USH2A: variants seen among roughly 807,000 people sequenced by gnomAD.
The protein encoded by USH2A is usherin.
Under a neutral mutation model 538.9 loss-of-function variants are expected in USH2A, and 443 were observed. The ratio of observed to expected loss-of-function variants is 0.82; its 90% CI spans 0.76 to 0.89. The LOEUF is 0.89. USH2A is among the 40% of genes least tolerant of loss of function. The probability of loss-of-function intolerance (pLI) is 0.00; values close to 1 mark genes in which losing one functional copy is unlikely to be tolerated. For missense variants in USH2A, 6,633 were observed against 6,324.8 expected, an observed-to-expected ratio of 1.05 and a Z score of -1.65; for synonymous variants, 2,413 against 2,273.5, an observed-to-expected ratio of 1.06 and a Z score of -1.75.
At chr1:216,359,546 C>A (rs993564795) in intron 4 of USH2A, among the ~76,000 whole-genome samples, 1 of 151,978 alleles carries the variant, frequency 6.6e-6, no homozygotes, top group Non-Finnish European at 1.5e-5. Flanking sequence ...AAAATATATA[C>A]CTTCTTTTTT....
At chr1:215,829,472 A>T (rs1663251267) in intron 47 of USH2A, among the ~76,000 whole-genome samples, 1 of 152,220 alleles carries the variant, frequency 6.6e-6, no homozygotes, top group Non-Finnish European at 1.5e-5. Flanking sequence ...CAAAGAATCT[A>T]AGAAATGTAT....
intron 21 of USH2A, among the ~76,000 whole-genome samples, chr1:216,126,139 A>T (rs967066754): frequency 1.3e-5 from 2 of 152,158 alleles, no homozygotes; most frequent in Non-Finnish European, 2.9e-5. Flanking sequence ...CTCACATGGA[A>T]GAGAGTGCCT....
chr1:215,773,000 G>A (rs1379678426), intron 55 of USH2A, among the ~76,000 whole-genome samples: 1 of 152,170 alleles, frequency 6.6e-6, no homozygotes, highest in Non-Finnish European at 1.5e-5. Context: ...CTGGCCCCTC[G>A]GCTGCTCACA....
In USH2A at chr1:215,988,247, T is replaced by C. The variant is rs534746372; in HGVS notation, c.6805+4773A>G. On this transcript the variant is annotated intron_variant, in intron 35 of 71. Transcript: ENST00000307340. ...TAATTTCTGTTTCTGTGCATTCAAC[T>C]ACTATAGATAAACTCACGTAAGTGC... Among the ~76,000 whole-genome samples the C allele has an allele frequency of 2.0e-5, 3 of 152,266 alleles. No homozygotes were observed. In the East Asian group the frequency reaches 5.8e-4, roughly 29 times the overall value.
intron 30 of USH2A, among the ~76,000 whole-genome samples, chr1:216,053,323 A>T (rs1212840951): frequency 6.6e-6 from 1 of 152,164 alleles, no homozygotes; most frequent in East Asian, 1.9e-4. Context: ...AAAATAGAAA[A>T]TGCGGTAGTT....
chr1:215,897,737 G>GAA (rs1558150515), intron 40 of USH2A, among the ~76,000 whole-genome samples: 15 of 102,022 alleles, frequency 1.5e-4, no homozygotes, highest in Non-Finnish European at 2.4e-4. Flanking sequence ...GAAAGAAAGA[G>GAA]AGAGAAAGAG....
intron 37 of USH2A, among the ~76,000 whole-genome samples, chr1:215,936,831 C>T (rs1286740165): frequency 6.6e-6 from 1 of 151,936 alleles, no homozygotes; most frequent in Non-Finnish European, 1.5e-5. Flanking sequence ...TGTCATTGTC[C>T]CATCAGATTA....
intron 32 of USH2A, among the ~76,000 whole-genome samples, chr1:216,024,841 T>G (rs1237765454): frequency 6.6e-6 from 1 of 152,006 alleles, no homozygotes; most frequent in Admixed American, 6.6e-5. Flanking sequence ...ATGTTTTATC[T>G]GACATAGGTT....
intron 44 of USH2A, among the ~76,000 whole-genome samples, chr1:215,856,723 T>C (rs1178004563): frequency 6.6e-6 from 1 of 152,082 alleles, no homozygotes; most frequent in African/African-American, 2.4e-5. Context: ...AAGAAGTCAT[T>C]ATATGAAAAG....
At chr1:215,955,098 T>C (rs1320493366) in intron 37 of USH2A, among the ~76,000 whole-genome samples, 1 of 152,192 alleles carries the variant, frequency 6.6e-6, no homozygotes, top group African/African-American at 2.4e-5. Context: ...ATACTTTTAC[T>C]TTAATAATTA....
intron 58 of USH2A, among the ~76,000 whole-genome samples, chr1:215,758,173 C>A (rs1306013532): frequency 6.6e-6 from 1 of 151,882 alleles, no homozygotes; most frequent in Admixed American, 6.6e-5. Flanking sequence ...GTAATCCCAG[C>A]TACTCAGGAG....
At chr1:215,900,733 A>G (rs1013298635) in intron 39 of USH2A, 22 bp downstream of exon 39, 5 of 1,613,338 alleles carry the variant, frequency 3.1e-6, no homozygotes, top group Middle Eastern at 1.6e-4. Context: ...AGCTGATAGA[A>G]TGGACAAAGT....
chr1:215,931,287 A>T (rs1666356435), intron 38 of USH2A, among the ~76,000 whole-genome samples: 1 of 151,960 alleles, frequency 6.6e-6, no homozygotes, highest in Non-Finnish European at 1.5e-5. Flanking sequence ...TAGAGGTAGG[A>T]CTGGCAAATA....
Position 216,048,721 on chromosome 1 carries a change from G to C in USH2A, c.6050-74C>G, listed in dbSNP as rs1014473052. ...AATAAAGAGCATTGTGTGTATATCT[G>C]TGTGTGTGTCTATAAGAGAGAGAGA... On this transcript the variant is annotated intron_variant, in intron 30 of 71. Transcript: ENST00000307340. 2.5e-5 allele frequency: 30 copies of C among 1,196,326 alleles called. No homozygotes were observed. The African/African-American group carries it at 4.2e-4, about 17-fold the overall frequency. 74.1% of individuals were successfully genotyped at this position (1,196,326 alleles called of 1,614,324 possible). A position where few individuals can be genotyped will look rare whatever the true frequency, so the allele number is the denominator to read the frequency against.
chr1:216,377,805 TAAAAAGAAAGAAA>T (rs1474056667), intron 3 of USH2A, among the ~76,000 whole-genome samples: 4 of 9,050 alleles, frequency 4.4e-4, no homozygotes, highest in African/African-American at 1.1e-3. Flanking sequence ...AGGAAAGAAA[TAAAAAGAAAGAAA>T]GAAAGAAAGA....
intron 54 of USH2A, among the ~76,000 whole-genome samples, chr1:215,781,576 T>C (rs1241374678): frequency 6.6e-6 from 1 of 152,204 alleles, no homozygotes; most frequent in Non-Finnish European, 1.5e-5. Context: ...AGGTCTTCAT[T>C]ATTTCTTGAC....
chr1:216,063,717 A>C (rs566212448), intron 30 of USH2A, among the ~76,000 whole-genome samples: 1 of 152,312 alleles, frequency 6.6e-6, no homozygotes, highest in East Asian at 1.9e-4. Context: ...GATAAAACTA[A>C]AACTGCAGAG....
intron 67 of USH2A, among the ~76,000 whole-genome samples, chr1:215,647,143 A>G (rs1449106148): frequency 4.6e-5 from 7 of 152,186 alleles, no homozygotes; most frequent in Admixed American, 6.5e-5. Context: ...TAATAGTGCT[A>G]TGTCTCAATG....
At chr1:216,088,768 A>C (rs2032210428) in intron 23 of USH2A, among the ~76,000 whole-genome samples, 1 of 152,204 alleles carries the variant, frequency 6.6e-6, no homozygotes, top group South Asian at 2.1e-4. Context: ...ACGAATTGTA[A>C]AGAACTGTAA....
Sources: allele counts gnomAD v4.1 joint callset (sites outside exome capture counted in the v4.1 genomes callset), GRCh38; gene constraint gnomAD v4.1.1; transcripts MANE v1.5; gene names NCBI Gene and HGNC (gene_info 2026-07-23, HGNC 2026-07-21).